Variants in AXL observed in about 807,000 individuals in gnomAD.
AXL encodes AXL receptor tyrosine kinase, also known as tyrosine-protein kinase receptor UFO.
Under a neutral mutation model 104.5 loss-of-function variants are expected in AXL, and 52 were observed. That is an observed-to-expected ratio of 0.50 (90% CI 0.40 to 0.63). The LOEUF (loss-of-function observed/expected upper bound fraction) is 0.63, where lower values mean the gene tolerates loss of function less well. Ranked by LOEUF, AXL falls within the 20% of genes least tolerant of loss-of-function variation. AXL has a pLI of 0.00. For missense variants in AXL, 1,024 were observed against 1,188.5 expected, an observed-to-expected ratio of 0.86 and a Z score of 2.04; for synonymous variants, 455 against 473.7, an observed-to-expected ratio of 0.96 and a Z score of 0.51.
At chr19:41,237,828 A>C in intron 6 of AXL, 116 bp from the exon 7 acceptor site, 1 of 942,762 alleles carries the variant, frequency 1.1e-6, no homozygotes, top group South Asian at 1.4e-5. Flanking sequence ...GCACTGCAAC[A>C]CACACGCACC....
In AXL at chr19:41,252,895, CA is replaced by C; in HGVS notation, c.1855del (p.Ile619SerfsTer5). 6.2e-7 allele frequency: 1 copy of C among 1,607,356 alleles called. No homozygotes were observed. The highest frequency in any genetic ancestry group is 8.5e-7 in the Non-Finnish European group (1 of 1,177,022). On this transcript the variant is annotated frameshift_variant, in exon 16 of 20. Transcript: ENST00000301178. LOFTEE classifies it high-confidence loss of function. ...GAGAGAGCTTCCCAGCACCTGTGGT[CA>C]TCTTACCTTTCATGAAACATGGAGA... The part of the protein sequence containing the change: ...ERESFPAPVV[I>X]LPFMKHGDLH...
chr19:41,228,954 TTC>T (rs1298656572), intron 4 of AXL, among the ~76,000 whole-genome samples: 9 of 116,116 alleles, frequency 7.8e-5, no homozygotes, highest in East Asian at 2.4e-4. Context: ...TTTCTTTTCT[TTC>T]TTTTTTTTTT....
At chr19:41,257,170 A>C (rs977821106) in intron 18 of AXL, among the ~76,000 whole-genome samples, 2 of 151,886 alleles carry the variant, frequency 1.3e-5, no homozygotes, top group Admixed American at 1.3e-4. Context: ...CAGTCTCCCG[A>C]GTAGCTGGGA....
In AXL at chr19:41,231,054, G is replaced by A; in HGVS notation, c.667+7G>A. ...CGCACAGCCACCATCACAGGTGACAGAGTTGGGAGGTGGGGAGCTGGGCGT... is the reference window on the plus strand; with the variant it reads ...CGCACAGCCACCATCACAGGTGACAAAGTTGGGAGGTGGGGAGCTGGGCGT... On this transcript the variant is annotated splice_region_variant and intron_variant, in intron 5 of 19. Coordinates refer to ENST00000301178, the MANE Select transcript of AXL (RefSeq NM_021913.5). The A allele has an allele frequency of 1.2e-6, 2 of 1,613,976 alleles. No individual in the cohort carries two copies.
At chr19:41,249,513 T>C (rs948125540) in intron 14 of AXL, among the ~76,000 whole-genome samples, 43 of 151,984 alleles carry the variant, frequency 2.8e-4, no homozygotes, top group African/African-American at 1.0e-3. Context: ...CCCAGCACTT[T>C]GGGAGGCCAA....
At chr19:41,222,203 G>T (rs2033803814) in intron 4 of AXL, 147 bp downstream of exon 4, 6 of 902,816 alleles carry the variant, frequency 6.6e-6, no homozygotes, top group Admixed American at 3.3e-5. Context: ...CTCTGAGTCT[G>T]TCTCTGCCTC....
chr19:41,220,516 A>C, intron 1 of AXL, 120 bp from the exon 2 acceptor site: 3 of 795,410 alleles, frequency 3.8e-6, no homozygotes, highest in Non-Finnish European at 6.0e-6. Flanking sequence ...CTCTGCAACT[A>C]TGTCGGCCTA....
intron 12 of AXL, among the ~76,000 whole-genome samples, chr19:41,246,830 C>CAAG (rs1273679478): frequency 1.3e-5 from 2 of 151,840 alleles, no homozygotes; most frequent in African/African-American, 2.4e-5. Flanking sequence ...GCTGGGTGAA[C>CAAG]CACTGTGAAC....
At chr19:41,256,975 G>A (rs1263184741) in intron 18 of AXL, among the ~76,000 whole-genome samples, 1 of 152,208 alleles carries the variant, frequency 6.6e-6, no homozygotes, top group Non-Finnish European at 1.5e-5. Context: ...GTGTGATGGT[G>A]AGCATGTGTA....
At chr19:41,256,210 A>T (rs995330654) in intron 17 of AXL, among the ~76,000 whole-genome samples, 3 of 152,226 alleles carry the variant, frequency 2.0e-5, no homozygotes, top group Non-Finnish European at 4.4e-5. Flanking sequence ...AGGACCTTAG[A>T]ATCTAGCAAA....
At chr19:41,251,936 AC>A (rs1454708886) in intron 14 of AXL, among the ~76,000 whole-genome samples, 6 of 150,836 alleles carry the variant, frequency 4.0e-5, no homozygotes, top group Admixed American at 4.0e-4. Flanking sequence ...ACAAGGTGAA[AC>A]CCCGTCTCTA....
chr19:41,236,786 GAA>G (rs56927752), intron 6 of AXL, among the ~76,000 whole-genome samples: 13,602 of 131,984 alleles, frequency 0.1, 699 homozygotes, highest in South Asian at 0.13. Flanking sequence ...CCAAAAAAAG[GAA>G]AAAAAAAAAA....
chr19:41,249,098 G>A (rs1045298459), intron 14 of AXL, among the ~76,000 whole-genome samples: 8 of 152,120 alleles, frequency 5.3e-5, no homozygotes, highest in Admixed American at 6.6e-5. Flanking sequence ...GAGGGAGCAA[G>A]TGGTGTTACC....
At chr19:41,258,345 C>T (rs2034485847) in intron 19 of AXL, among the ~76,000 whole-genome samples, 1 of 152,170 alleles carries the variant, frequency 6.6e-6, no homozygotes, top group South Asian at 2.1e-4. Flanking sequence ...TGGTCCTTAC[C>T]ACAGCCATGT....
intron 4 of AXL, among the ~76,000 whole-genome samples, chr19:41,226,082 T>C (rs1465008760): frequency 2.0e-5 from 3 of 152,222 alleles, no homozygotes; most frequent in African/African-American, 2.4e-5. Context: ...CAGTTCCTCC[T>C]GTCCCCTTCA....
At chr19:41,231,156 G>C (rs1469223442) in intron 5 of AXL, 27 bp from the exon 6 acceptor site, 1 of 1,610,024 alleles carries the variant, frequency 6.2e-7, no homozygotes, top group Non-Finnish European at 8.5e-7. Flanking sequence ...AGGCTCCCCA[G>C]GGTCAATCTC....
chr19:41,254,282 C>A (rs1040383864), intron 17 of AXL, among the ~76,000 whole-genome samples: 8 of 149,352 alleles, frequency 5.4e-5, no homozygotes, highest in African/African-American at 1.7e-4. Context: ...GTAATCCCAA[C>A]ACGAGAATTG....
At chr19:41,223,400 G>A (rs934742043) in intron 4 of AXL, among the ~76,000 whole-genome samples, 1 of 152,228 alleles carries the variant, frequency 6.6e-6, no homozygotes, top group Non-Finnish European at 1.5e-5. Flanking sequence ...AGACGAGGAA[G>A]GACCGAGCTC....
intron 1 of AXL, chr19:41,220,250 ACCACCACCCTTATCTC>A: frequency 1.1e-5 from 1 of 91,484 alleles, no homozygotes; most frequent in Non-Finnish European, 2.1e-5. Flanking sequence ...ATCTCCCCCC[ACCACCACCCTTATCTC>A]TCTCCCCCAA....
Sources: allele counts gnomAD v4.1 joint callset (sites outside exome capture counted in the v4.1 genomes callset), GRCh38; gene constraint gnomAD v4.1.1; transcripts MANE v1.5; gene names NCBI Gene and HGNC (gene_info 2026-07-23, HGNC 2026-07-21).